PPM1H: variants seen among roughly 807,000 people sequenced by gnomAD.
The protein encoded by PPM1H is protein phosphatase, Mg2+/Mn2+ dependent 1H.
Under a neutral mutation model 54.9 loss-of-function variants are expected in PPM1H, and 27 were observed. That is an observed-to-expected ratio of 0.49 (90% confidence interval 0.36 to 0.68). PPM1H has a LOEUF of 0.68. Among genes scored for constraint, PPM1H ranks in the 30% least tolerant of loss-of-function variants. The pLI, the probability that PPM1H is intolerant of heterozygous loss-of-function variation, is 0.00. For missense variants in PPM1H, 596 were observed against 667.8 expected (o/e 0.89, Z 1.19); for synonymous variants, 305 against 270.8 (o/e 1.13, Z -1.24).
At chr12:62,654,842 T>A (rs942261023) in intron 9 of PPM1H, among the ~76,000 whole-genome samples, 1 of 152,164 alleles carries the variant, frequency 6.6e-6, no homozygotes, top group Non-Finnish European at 1.5e-5. Context: ...CATGTACCCA[T>A]GTGCTTCAGA....
intron 1 of PPM1H, among the ~76,000 whole-genome samples, chr12:62,874,446 C>T (rs776188293): frequency 6.6e-6 from 1 of 152,112 alleles, no homozygotes; most frequent in Non-Finnish European, 1.5e-5. Context: ...GGGCATACAT[C>T]TAAAGTCAAG....
intron 9 of PPM1H, among the ~76,000 whole-genome samples, chr12:62,656,934 A>T (rs1169802113): frequency 6.6e-6 from 1 of 152,140 alleles, no homozygotes; most frequent in African/African-American, 2.4e-5. Flanking sequence ...AGAGGCACAC[A>T]TCTTAGATTC....
At chr12:62,875,871 G>T (rs1340883661) in intron 1 of PPM1H, among the ~76,000 whole-genome samples, 2 of 152,196 alleles carry the variant, frequency 1.3e-5, no homozygotes, top group African/African-American at 2.4e-5. Context: ...TAAGGCCTCT[G>T]TGAAGGTTCT....
At chr12:62,771,295 G>GACACACACACACACAC (rs4026219) in intron 4 of PPM1H, among the ~76,000 whole-genome samples, 3 of 131,876 alleles carry the variant, frequency 2.3e-5, no homozygotes, top group Non-Finnish European at 3.3e-5. Flanking sequence ...ACTTTGTGAA[G>GACACACACACACACAC]ACACACACAC....
intron 4 of PPM1H, chr12:62,755,979 A>G: frequency 1.6e-6 from 2 of 1,220,604 alleles, no homozygotes; most frequent in Non-Finnish European, 1.2e-6. Flanking sequence ...TGTCTGGAAA[A>G]ACTGCCAAAT....
chr12:62,687,895 G>T lies in PPM1H; in HGVS notation c.1245+1804C>A, dbSNP rs140610872. On this transcript the variant is annotated intron_variant, in intron 8 of 9. Transcript: ENST00000228705. ...ATGGTGGTGCCCACCTGTAATCCCA[G>T]CTACTTGGGAGGCTGAGGCAGGAGC... Among the ~76,000 whole-genome samples the T allele has an allele frequency of 4.4e-4, 66 of 151,654 alleles. No homozygotes were observed. The East Asian group carries it at 9.1e-3, about 21-fold the overall frequency.
chr12:62,684,490 A>G (rs1161240732), intron 8 of PPM1H, among the ~76,000 whole-genome samples: 1 of 152,080 alleles, frequency 6.6e-6, no homozygotes, highest in Non-Finnish European at 1.5e-5. Flanking sequence ...AATTTGATCC[A>G]CATGTTTTTG....
chr12:62,840,300 C>T (rs1253235068), intron 1 of PPM1H: 1 of 152,104 alleles, frequency 6.6e-6, no homozygotes, highest in East Asian at 1.9e-4. Context: ...TTTCTAAAAG[C>T]ACTAATCCCA....
In PPM1H at chr12:62,934,381, C is replaced by A. The variant is rs923883034; in HGVS notation, c.245+111G>T. On this transcript the variant is annotated intron_variant, in intron 1 of 9. Transcript: ENST00000228705. The surrounding 1 kb of genome is among the most constrained non-coding windows in gnomAD (Gnocchi z 4.2). ...GAGCTCCCCGCCGAGGCCTGGACGC[C>A]GGCAGCTAGTGAGAGCCCTGAGGCC... 7.4e-7 allele frequency: 1 copy of A among 1,351,112 alleles called. No homozygotes were observed. Among genetic ancestry groups the A allele is most frequent in the Non-Finnish European group, 9.6e-7 (1 of 1,038,266 alleles). The allele number at this position is 1,351,112 out of a possible 1,614,324, so 83.7% of individuals were successfully genotyped here. A position where few individuals can be genotyped will look rare whatever the true frequency, so the allele number is the denominator to read the frequency against.
intron 2 of PPM1H, among the ~76,000 whole-genome samples, chr12:62,803,319 A>G (rs2076783637): frequency 6.6e-6 from 1 of 152,222 alleles, no homozygotes. Flanking sequence ...TGAATTACAC[A>G]CGTGTTAGAT....
chr12:62,793,914 C>G (rs1467348838), intron 3 of PPM1H, among the ~76,000 whole-genome samples: 2 of 152,012 alleles, frequency 1.3e-5, no homozygotes, highest in Non-Finnish European at 2.9e-5. Flanking sequence ...TTTCAGGTTG[C>G]AAAAGGAAAG....
Position 62,801,691 on chromosome 12 carries a change from G to A in PPM1H, c.756+125C>T, listed in dbSNP as rs556732725. On this transcript the variant is annotated intron_variant, in intron 3 of 9. Coordinates refer to ENST00000228705, the MANE Select transcript of PPM1H (RefSeq NM_020700.2). Reference sequence around the variant, plus strand: ...GGGAATGGAAGCCCCATTATCACAGGGGGCCGTCCAGGTGGAGCCAGGCAG... The same window carrying A: ...GGGAATGGAAGCCCCATTATCACAGAGGGCCGTCCAGGTGGAGCCAGGCAG... 20 of 1,021,734 alleles carry A rather than the reference G, an allele frequency of 2.0e-5. No individual in the cohort carries two copies. The African/African-American group carries it at 3.1e-4, about 16-fold the overall frequency. 63.3% of individuals were successfully genotyped at this position (1,021,734 alleles called of 1,614,324 possible). A position where few individuals can be genotyped will look rare whatever the true frequency, so the allele number is the denominator to read the frequency against.
chr12:62,738,655 T>C (rs2076363801), intron 4 of PPM1H, among the ~76,000 whole-genome samples: 1 of 152,136 alleles, frequency 6.6e-6, no homozygotes, highest in Non-Finnish European at 1.5e-5. Flanking sequence ...CAAATGGAAG[T>C]GGCTTGGGGA....
chr12:62,750,358 T>A (rs2076435988), intron 4 of PPM1H, among the ~76,000 whole-genome samples: 1 of 152,274 alleles, frequency 6.6e-6, no homozygotes, highest in African/African-American at 2.4e-5. Context: ...ACATTTAATA[T>A]GAATGGCATC....
chr12:62,928,568 A>C, intron 1 of PPM1H, among the ~76,000 whole-genome samples: 1 of 152,118 alleles, frequency 6.6e-6, no homozygotes, highest in East Asian at 1.9e-4. Flanking sequence ...AAGGATGACA[A>C]AGATTCTCTC....
chr12:62,655,043 T>C (rs930338781), intron 9 of PPM1H, among the ~76,000 whole-genome samples: 5 of 152,294 alleles, frequency 3.3e-5, no homozygotes, highest in African/African-American at 7.2e-5. Flanking sequence ...CTGCACTCCA[T>C]AGGTGACAGT....
intron 1 of PPM1H, among the ~76,000 whole-genome samples, chr12:62,922,181 A>G (rs184713170): frequency 6.6e-6 from 1 of 152,340 alleles, no homozygotes; most frequent in Non-Finnish European, 1.5e-5. Flanking sequence ...CAATAGAACT[A>G]TTTTAAAGTA....
intron 1 of PPM1H, among the ~76,000 whole-genome samples, chr12:62,925,036 C>A (rs1469559695): frequency 1.3e-5 from 2 of 151,878 alleles, no homozygotes; most frequent in African/African-American, 4.8e-5. Flanking sequence ...GAGCAAGATT[C>A]GACTCTGTCT....
chr12:62,668,987 G>A (rs528896005), intron 8 of PPM1H, among the ~76,000 whole-genome samples: 13 of 152,222 alleles, frequency 8.5e-5, no homozygotes, highest in East Asian at 1.9e-4. Context: ...GCCACCAGGC[G>A]CCAGGCCTTT....
Sources: gnomAD v4.1 joint callset for allele counts (sites outside exome capture counted in the v4.1 genomes callset) on GRCh38, gnomAD v4.1.1 for gene constraint, Gnocchi (gnomAD v3.1) non-coding constraint, MANE v1.5 for transcripts, NCBI Gene and HGNC (gene_info 2026-07-23, HGNC 2026-07-21) for gene names.